Variants in TNN observed in about 807,000 individuals in gnomAD.
TNN encodes tenascin-N.
Under a neutral mutation model 134.4 loss-of-function variants are expected in TNN, and 122 were observed. The observed-to-expected ratio is 0.91, with a 90% confidence interval of 0.78 to 1.06. The LOEUF (loss-of-function observed/expected upper bound fraction) is 1.06, where lower values mean the gene tolerates loss of function less well. TNN is among the 50% of genes least tolerant of loss of function. The probability of loss-of-function intolerance (pLI) is 0.00; values close to 1 mark genes in which losing one functional copy is unlikely to be tolerated. For missense variants in TNN, 1,739 were observed against 1,699.4 expected (o/e 1.02, Z -0.41); for synonymous variants, 710 against 670.3 (o/e 1.06, Z -0.91).
chr1:175,095,447 T>C (rs1462440406), intron 7 of TNN, among the ~76,000 whole-genome samples: 1 of 152,194 alleles, frequency 6.6e-6, no homozygotes, highest in African/African-American at 2.4e-5. Context: ...AGATTGACAG[T>C]GGATCAGATT....
At position 175,123,418 on chromosome 1, in the gene TNN, A is replaced by T; in HGVS notation, c.2669A>T (p.Asn890Ile). Residue 890 changes from asparagine to isoleucine, a missense_variant, in exon 12 of 19, where the codon AAC becomes ATC. Coordinates refer to ENST00000239462, the MANE Select transcript of TNN (RefSeq NM_022093.2). ...TAAAAAGAAATTGACGGCCCCAAAAACCTAGTGACTGACTGGGTGACGGAG... is the reference window on the plus strand; with the variant it reads ...TAAAAAGAAATTGACGGCCCCAAAATCCTAGTGACTGACTGGGTGACGGAG... ...KAQTEIDGPKNLVTDWVTENM... is the reference protein window; with the variant it reads ...KAQTEIDGPKILVTDWVTENM... 6.2e-7 allele frequency: 1 copy of T among 1,613,554 alleles called. No homozygotes were observed. The highest frequency in any genetic ancestry group is 8.5e-7 in the Non-Finnish European group (1 of 1,179,854).
rs1195662837 is a variant in TNN at position 175,083,918 on chromosome 1, G to A, written c.1217G>A (p.Ser406Asn). 1 of 1,614,042 alleles carries A rather than the reference G, an allele frequency of 6.2e-7. No homozygotes were observed. Among genetic ancestry groups the A allele is most frequent in the Non-Finnish European group, 8.5e-7 (1 of 1,179,992 alleles). The change falls in exon 5 of 19, where the codon AGC (serine) becomes AAC (asparagine). Residue 406 changes from serine (S) to asparagine (N), a missense_variant. Coordinates refer to ENST00000239462, the MANE Select transcript of TNN (RefSeq NM_022093.2). ...GTGCCCAAGAGCAGTGACCCCAAGAGCCGATATGACATCACTGGTAAGAGC... is the reference window on the plus strand; with the variant it reads ...GTGCCCAAGAGCAGTGACCCCAAGAACCGATATGACATCACTGGTAAGAGC... Reference protein sequence around the residue: ...VTVPKSSDPKSRYDITGLHPG... With the variant: ...VTVPKSSDPKNRYDITGLHPG...
intron 1 of TNN, among the ~76,000 whole-genome samples, chr1:175,069,681 C>T (rs1173193998): frequency 2.0e-5 from 3 of 152,194 alleles, no homozygotes; most frequent in African/African-American, 7.2e-5. Context: ...CATCTGGAGC[C>T]ACCAGTCTGT....
rs1324396574 is a variant in TNN at position 175,094,064 on chromosome 1, C to T, written c.1399C>T (p.Gln467Ter). The T allele has an allele frequency of 6.2e-7, 1 of 1,614,156 alleles. No individual in the cohort carries two copies. ...DTATVSWDPV[Q>*]AVIDKYVVRY... is the part of the protein sequence containing the mutation. Reference sequence around the variant, plus strand: ...AGCAACTGTCTCCTGGGACCCAGTGCAGGCTGTCATAGACAAGTATGTAGT... The same window carrying T: ...AGCAACTGTCTCCTGGGACCCAGTGTAGGCTGTCATAGACAAGTATGTAGT... The change falls in exon 7 of 19, where the codon CAG (glutamine) becomes TAG (stop). Residue 467 changes from glutamine to a stop codon, truncating the protein, a stop_gained. Transcript: ENST00000239462. LOFTEE classifies it high-confidence loss of function.
chr1:175,123,140 G>T (rs774414265), intron 11 of TNN, among the ~76,000 whole-genome samples: 1 of 152,120 alleles, frequency 6.6e-6, no homozygotes, highest in Non-Finnish European at 1.5e-5. Context: ...TGCTCAGGAA[G>T]TTTTATTGTT....
rs747040576 is a variant in TNN, at chr1:175,098,487, A to G, written c.2011A>G (p.Ser671Gly). 4.6e-5 allele frequency: 74 copies of G among 1,614,050 alleles called. 1 individual carries two copies. The East Asian group carries it at 1.3e-3, about 28-fold the overall frequency. Reference sequence around the variant, plus strand: ...GGAGGTTCCGGTGGGGAAGGAGCAGAGCAGCACAGTCCTGACAGGCCTGAG... The same window carrying G: ...GGAGGTTCCGGTGGGGAAGGAGCAGGGCAGCACAGTCCTGACAGGCCTGAG... ...TREVPVGKEQSSTVLTGLRPG... is the reference protein window; with the variant it reads ...TREVPVGKEQGSTVLTGLRPG... Residue 671 changes from serine to glycine, a missense_variant, in exon 9 of 19, where the codon AGC becomes GGC. Ser to Gly is a moderately conservative substitution (Grantham distance 56). Coordinates refer to ENST00000239462, the MANE Select transcript of TNN (RefSeq NM_022093.2).
chr1:175,074,748 G>A (rs1673999283), intron 1 of TNN, among the ~76,000 whole-genome samples: 1 of 152,190 alleles, frequency 6.6e-6, no homozygotes, highest in Non-Finnish European at 1.5e-5. Flanking sequence ...GTACCATTCT[G>A]CTTAATTCAC....
chr1:175,126,706 G>A (rs771078975), intron 12 of TNN, among the ~76,000 whole-genome samples: 21 of 152,110 alleles, frequency 1.4e-4, no homozygotes, highest in Non-Finnish European at 2.4e-4. Flanking sequence ...CCTGGGAAAT[G>A]GGGGCCCAGA....
intron 8 of TNN, 90 bp from the exon 9 acceptor site, chr1:175,098,242 G>A (rs1329578348): frequency 2.5e-6 from 4 of 1,576,408 alleles, no homozygotes; most frequent in Non-Finnish European, 1.7e-6. Context: ...TTCTAAAAGA[G>A]CTCTGGAAGA....
At chr1:175,141,251 C>G (rs1008453655) in intron 17 of TNN, among the ~76,000 whole-genome samples, 1 of 152,200 alleles carries the variant, frequency 6.6e-6, no homozygotes, top group Non-Finnish European at 1.5e-5. Flanking sequence ...TGTTATTCAT[C>G]TATTTAGAGA....
At chr1:175,114,660 G>A (rs1478256022) in intron 9 of TNN, among the ~76,000 whole-genome samples, 1 of 152,180 alleles carries the variant, frequency 6.6e-6, no homozygotes, top group African/African-American at 2.4e-5. Flanking sequence ...GTGCCTAGCA[G>A]CTTGGCTTCA....
intron 17 of TNN, among the ~76,000 whole-genome samples, chr1:175,137,849 C>G (rs1675853609): frequency 6.6e-6 from 1 of 152,212 alleles, no homozygotes; most frequent in African/African-American, 2.4e-5. Flanking sequence ...ATGGCGGTCT[C>G]TCTCCTTAGA....
At chr1:175,079,008 G>C (rs17374584) in intron 2 of TNN, among the ~76,000 whole-genome samples, 7 of 151,760 alleles carry the variant, frequency 4.6e-5, no homozygotes, top group African/African-American at 1.5e-4. Flanking sequence ...ATGACCACCA[G>C]GTAGAGAGGA....
chr1:175,113,373 C>G (rs184666235), intron 9 of TNN, among the ~76,000 whole-genome samples: 1 of 152,256 alleles, frequency 6.6e-6, no homozygotes, highest in Non-Finnish European at 1.5e-5. Context: ...AGATCTTGGG[C>G]TATATCATCC....
chr1:175,090,683 T>G (rs1401300184), intron 6 of TNN, among the ~76,000 whole-genome samples: 3 of 152,246 alleles, frequency 2.0e-5, no homozygotes, highest in Non-Finnish European at 4.4e-5. Flanking sequence ...TAAAGTGGAA[T>G]AAGCTTTCCT....
At chr1:175,112,893 G>T (rs1195984688) in intron 9 of TNN, among the ~76,000 whole-genome samples, 1 of 151,966 alleles carries the variant, frequency 6.6e-6, no homozygotes, top group Non-Finnish European at 1.5e-5. Flanking sequence ...AAAGTGCTGG[G>T]ATTACAGGCA....
Position 175,109,438 on chromosome 1 carries a change from A to G in TNN, c.2120-7501A>G, listed in dbSNP as rs202169442. On this transcript the variant is annotated intron_variant, in intron 9 of 18. Transcript: ENST00000239462. ...AAGCCAACCTGTGTTCATTCCCCTT[A>G]CTCCTACACTTCCTAGCCTCTGGCA... 6.6e-5 allele frequency among the ~76,000 whole-genome samples: 10 copies of G among 151,232 alleles called. No homozygotes were observed. In the East Asian group the frequency reaches 1.8e-3, roughly 26 times the overall value.
chr1:175,114,547 G>GCAAGGTCTTACTTAGGCT (rs1206036422), intron 9 of TNN, among the ~76,000 whole-genome samples: 1 of 152,200 alleles, frequency 6.6e-6, no homozygotes, highest in Non-Finnish European at 1.5e-5. Context: ...CAACTGTGGG[G>GCAAGGTCTTACTTAGGCT]CAAGGTCTTA....
chr1:175,079,261 C>G, intron 2 of TNN, 72 bp from the exon 3 acceptor site: 1 of 1,480,630 alleles, frequency 6.8e-7, no homozygotes, highest in African/African-American at 1.4e-5. Context: ...TCTTGCATGG[C>G]TGATCTCAGA....
Sources: allele counts gnomAD v4.1 joint callset (sites outside exome capture counted in the v4.1 genomes callset), GRCh38; gene constraint gnomAD v4.1.1; transcripts MANE v1.5; gene names NCBI Gene and HGNC (gene_info 2026-07-23, HGNC 2026-07-21).